Variants in PTPRG observed in about 807,000 individuals in gnomAD.
PTPRG encodes the protein receptor-type tyrosine-protein phosphatase gamma.
A neutral mutation model predicts 165.3 loss-of-function variants in PTPRG; 102 were observed. The ratio of observed to expected loss-of-function variants is 0.62; its 90% CI spans 0.53 to 0.73. PTPRG has a LOEUF of 0.73. Ranked by LOEUF, PTPRG falls within the 30% of genes least tolerant of loss-of-function variation. The probability of loss-of-function intolerance (pLI) is 0.00; values close to 1 mark genes in which losing one functional copy is unlikely to be tolerated. For missense variants in PTPRG, 1,866 were observed against 1,861.4 expected, an observed-to-expected ratio of 1.00 and a Z score of -0.05; for synonymous variants, 675 against 669.5, an observed-to-expected ratio of 1.01 and a Z score of -0.13.
rs369900481 is a variant in PTPRG at position 61,877,750 on chromosome 3, T to C, written c.191-111875T>C. ...GGAGAAAATGTAAAATGCATGCTAGTTGGTAAAAGAAAAAAGTCTTCTCTT... is the reference window on the plus strand; with the variant it reads ...GGAGAAAATGTAAAATGCATGCTAGCTGGTAAAAGAAAAAAGTCTTCTCTT... On this transcript the variant is annotated intron_variant, in intron 2 of 29. Transcript: ENST00000474889. 4.3e-4 allele frequency among the ~76,000 whole-genome samples: 66 copies of C among 152,254 alleles called. 1 individual carries two copies. The highest frequency in any genetic ancestry group is 1.5e-3 in the African/African-American group (63 of 41,554).
chr3:61,669,684 T>G (rs2107061029), intron 1 of PTPRG, among the ~76,000 whole-genome samples: 1 of 152,356 alleles, frequency 6.6e-6, no homozygotes, highest in East Asian at 1.9e-4. Context: ...CAGGTTTTTC[T>G]TAACGTTCTG....
chr3:62,108,276 T>C (rs1472600463), intron 5 of PTPRG, among the ~76,000 whole-genome samples: 2 of 151,580 alleles, frequency 1.3e-5, no homozygotes, highest in African/African-American at 4.8e-5. Context: ...CTCCCACTTA[T>C]GAGTGAGAAC....
chr3:62,281,481 A>G (rs1702434964), intron 26 of PTPRG, 82 bp from the exon 27 acceptor site: 6 of 1,300,986 alleles, frequency 4.6e-6, no homozygotes, highest in Non-Finnish European at 6.2e-6. Flanking sequence ...AGGGATGGGA[A>G]ATGACAAAAT....
rs563036486 is a variant in PTPRG, at chr3:62,128,233, G to C, written c.616-4369G>C. On this transcript the variant is annotated intron_variant, in intron 5 of 29. Coordinates refer to ENST00000474889, the MANE Select transcript of PTPRG (RefSeq NM_002841.4). ...AGTACGAACTCTGCAGGGAAAGGGG[G>C]TGTCTGTTTCTTCTAGTCCATTTTA... is the stretch of plus-strand genomic sequence containing the variant. Among the ~76,000 whole-genome samples the C allele has an allele frequency of 2.6e-5, 4 of 152,270 alleles. No individual in the cohort carries two copies. The South Asian group carries it at 6.2e-4, about 24-fold the overall frequency.
chr3:61,840,302 A>G (rs942232493), intron 2 of PTPRG, among the ~76,000 whole-genome samples: 23 of 152,100 alleles, frequency 1.5e-4, no homozygotes, highest in Non-Finnish European at 1.8e-4. Context: ...CTGAATATCC[A>G]GGACCCATTT....
intron 14 of PTPRG, 121 bp from the exon 15 acceptor site, chr3:62,243,686 G>A (rs1576172604): frequency 1.6e-6 from 1 of 606,268 alleles, no homozygotes; most frequent in East Asian, 3.2e-5. Flanking sequence ...TTTTACATGA[G>A]TTTACCCTCA....
chr3:61,892,289 C>T (rs986621726), intron 2 of PTPRG, among the ~76,000 whole-genome samples: 25 of 152,182 alleles, frequency 1.6e-4, no homozygotes, highest in African/African-American at 5.8e-4. Flanking sequence ...TGCAGTGGCA[C>T]GATCCTGGCC....
chr3:61,803,830 AT>A (rs2035329465), intron 2 of PTPRG, among the ~76,000 whole-genome samples: 1 of 152,192 alleles, frequency 6.6e-6, no homozygotes, highest in South Asian at 2.1e-4. Context: ...ATTACCAAGT[AT>A]TTGGATAGTT....
At chr3:62,112,293 C>T (rs1332951435) in intron 5 of PTPRG, among the ~76,000 whole-genome samples, 2 of 151,734 alleles carry the variant, frequency 1.3e-5, no homozygotes, top group African/African-American at 4.8e-5. Context: ...TTACTAGAGG[C>T]GGGTTTCACT....
chr3:61,939,368 T>C lies in PTPRG; in HGVS notation c.191-50257T>C, dbSNP rs149216623. 6.1e-3 allele frequency among the ~76,000 whole-genome samples: 931 copies of C among 152,274 alleles called. 6 individuals carry two copies. Among genetic ancestry groups the C allele is most frequent in the African/African-American group, 0.021 (880 of 41,550 alleles). ...CTTACATAGCAAAACTGAGTAAATATGCACAGGGCTCATAAAAAGTCGTAA... is the reference window on the plus strand; with the variant it reads ...CTTACATAGCAAAACTGAGTAAATACGCACAGGGCTCATAAAAAGTCGTAA... On this transcript the variant is annotated intron_variant, in intron 2 of 29. Transcript: ENST00000474889.
At chr3:62,189,125 C>T (rs1699740999) in intron 8 of PTPRG, among the ~76,000 whole-genome samples, 1 of 152,124 alleles carries the variant, frequency 6.6e-6, no homozygotes, top group African/African-American at 2.4e-5. Context: ...ATTTGCGCAG[C>T]GGACAGCGTG....
chr3:62,008,275 G>T (rs2041342609), intron 4 of PTPRG, among the ~76,000 whole-genome samples: 1 of 152,182 alleles, frequency 6.6e-6, no homozygotes, highest in Non-Finnish European at 1.5e-5. Context: ...ATTAAAGTGG[G>T]GGGTTCATTG....
intron 2 of PTPRG, among the ~76,000 whole-genome samples, chr3:61,813,327 T>TAAAA (rs757811011): frequency 4.6e-5 from 4 of 87,472 alleles, no homozygotes; most frequent in Non-Finnish European, 7.0e-5. Context: ...CCATGATTAC[T>TAAAA]AAAAAAAAAA....
At chr3:61,871,264 G>A (rs2037574935) in intron 2 of PTPRG, among the ~76,000 whole-genome samples, 1 of 151,908 alleles carries the variant, frequency 6.6e-6, no homozygotes, top group Non-Finnish European at 1.5e-5. Flanking sequence ...GTCTTGGTCT[G>A]TCACCCAGGC....
intron 1 of PTPRG, among the ~76,000 whole-genome samples, chr3:61,726,776 G>C (rs879828020): frequency 6.6e-6 from 1 of 152,136 alleles, no homozygotes; most frequent in African/African-American, 2.4e-5. Flanking sequence ...GGCCGGGTGC[G>C]GTGGCTCACG....
chr3:62,148,057 A>G (rs1704186834), intron 6 of PTPRG, among the ~76,000 whole-genome samples: 1 of 152,164 alleles, frequency 6.6e-6, no homozygotes, highest in South Asian at 2.1e-4. Flanking sequence ...GAGGCAAGAT[A>G]ATCACTTCAA....
At chr3:61,618,356 G>A (rs191706398) in intron 1 of PTPRG, among the ~76,000 whole-genome samples, 69 of 152,284 alleles carry the variant, frequency 4.5e-4, no homozygotes, top group African/African-American at 1.5e-3. Context: ...CAGCATGAGA[G>A]GGGGGTGTGT....
Position 62,056,979 on chromosome 3 carries a change from AACTT to A in PTPRG, c.520-21183_520-21180del, listed in dbSNP as rs533616026. Among the ~76,000 whole-genome samples the A allele has an allele frequency of 6.2e-3, 948 of 152,360 alleles. 10 individuals carry two copies. Among genetic ancestry groups the A allele is most frequent in the African/African-American group, 0.022 (895 of 41,582 alleles). ...AGCGCATTATGCATGCTGTCTGCAT[AACTT>A]GACTTTTACAAAGCGAGATAGTGGC... On this transcript the variant is annotated intron_variant, in intron 4 of 29. Transcript: ENST00000474889.
intron 5 of PTPRG, among the ~76,000 whole-genome samples, chr3:62,093,869 C>T (rs1702024432): frequency 6.6e-6 from 1 of 152,160 alleles, no homozygotes; most frequent in African/African-American, 2.4e-5. Context: ...GGAAGAAAGA[C>T]AGCTTTTTTT....
Sources: gnomAD v4.1 joint callset for allele counts (sites outside exome capture counted in the v4.1 genomes callset) on GRCh38, gnomAD v4.1.1 for gene constraint, MANE v1.5 for transcripts, NCBI Gene and HGNC (gene_info 2026-07-23, HGNC 2026-07-21) for gene names.